CSNK1G3: variants seen among roughly 807,000 people sequenced by gnomAD.
CSNK1G3 encodes the protein casein kinase 1 gamma 3.
A neutral mutation model predicts 64.3 loss-of-function variants in CSNK1G3; 23 were observed. The ratio of observed to expected loss-of-function variants is 0.36; its 90% confidence interval spans 0.26 to 0.51. The LOEUF is 0.51. Among genes scored for constraint, CSNK1G3 ranks in the 20% least tolerant of loss-of-function variants. The pLI, the probability that CSNK1G3 is intolerant of heterozygous loss-of-function variation, is 0.96. For missense variants in CSNK1G3, 357 were observed against 510.5 expected, an observed-to-expected ratio of 0.70 and a Z score of 2.90; for synonymous variants, 158 against 162.2, an observed-to-expected ratio of 0.97 and a Z score of 0.20.
At chr5:123,590,649 T>TA in intron 9 of CSNK1G3, 91 bp downstream of exon 9, 1 of 811,254 alleles carries the variant, frequency 1.2e-6, no homozygotes, top group Non-Finnish European at 1.8e-6. Flanking sequence ...TGAGAACAAA[T>TA]AGTTGTTTTA....
chr5:123,548,265 C>G (rs993400992), intron 2 of CSNK1G3, among the ~76,000 whole-genome samples: 1 of 151,974 alleles, frequency 6.6e-6, no homozygotes, highest in Non-Finnish European at 1.5e-5. Flanking sequence ...TCAAGACCAG[C>G]CTCTGCAACA....
intron 2 of CSNK1G3, among the ~76,000 whole-genome samples, chr5:123,547,230 A>C (rs957600341): frequency 1.3e-5 from 2 of 152,114 alleles, no homozygotes; most frequent in African/African-American, 4.8e-5. Flanking sequence ...TTTTCTTTAT[A>C]TCAGGATTAT....
At chr5:123,583,247 G>C (rs1010963212) in intron 6 of CSNK1G3, among the ~76,000 whole-genome samples, 1 of 151,628 alleles carries the variant, frequency 6.6e-6, no homozygotes, top group Non-Finnish European at 1.5e-5. Context: ...TATAGGTCTT[G>C]CATATACATT....
intron 10 of CSNK1G3, among the ~76,000 whole-genome samples, chr5:123,603,918 A>C (rs1445649201): frequency 2.0e-5 from 3 of 152,110 alleles, no homozygotes; most frequent in Non-Finnish European, 2.9e-5. Context: ...TGAAACGGGA[A>C]GCCAACAGTT....
intron 4 of CSNK1G3, among the ~76,000 whole-genome samples, chr5:123,566,983 G>C (rs1383401743): frequency 6.6e-6 from 1 of 152,144 alleles, no homozygotes; most frequent in African/African-American, 2.4e-5. Flanking sequence ...AAATTGCCCT[G>C]AGGCGGGGCA....
intron 6 of CSNK1G3, among the ~76,000 whole-genome samples, chr5:123,580,852 T>G: frequency 6.6e-6 from 1 of 151,972 alleles, no homozygotes; most frequent in East Asian, 1.9e-4. Flanking sequence ...TATTCAAGAA[T>G]AAAAAAACTA....
intron 1 of CSNK1G3, among the ~76,000 whole-genome samples, chr5:123,523,963 G>A (rs1778593602): frequency 6.6e-6 from 1 of 152,176 alleles, no homozygotes; most frequent in African/African-American, 2.4e-5. Flanking sequence ...TATACCCACT[G>A]TATCACCTGT....
chr5:123,558,132 T>C (rs550046129), intron 4 of CSNK1G3, among the ~76,000 whole-genome samples: 2 of 152,084 alleles, frequency 1.3e-5, no homozygotes, highest in South Asian at 2.1e-4. Context: ...CTAGAGGGAG[T>C]GTGGCCTTGC....
At chr5:123,531,132 G>A (rs968650262) in intron 1 of CSNK1G3, among the ~76,000 whole-genome samples, 98 of 152,202 alleles carry the variant, frequency 6.4e-4, no homozygotes, top group Non-Finnish European at 1.1e-3. Flanking sequence ...GAAGCAGTGG[G>A]AAATCAATTC....
intron 6 of CSNK1G3, among the ~76,000 whole-genome samples, chr5:123,587,779 CTT>C (rs1217523510): frequency 1.3e-5 from 2 of 152,168 alleles, no homozygotes; most frequent in African/African-American, 4.8e-5. Flanking sequence ...CCATGGAACT[CTT>C]TTCCCCGTGG....
chr5:123,565,873 C>A (rs1490011229), intron 4 of CSNK1G3, among the ~76,000 whole-genome samples: 1 of 152,136 alleles, frequency 6.6e-6, no homozygotes, highest in Non-Finnish European at 1.5e-5. Flanking sequence ...AGCACAAACC[C>A]ATGAGGGATC....
chr5:123,582,987 T>C (rs1031032908), intron 6 of CSNK1G3, among the ~76,000 whole-genome samples: 2 of 152,246 alleles, frequency 1.3e-5, no homozygotes, highest in African/African-American at 4.8e-5. Context: ...CTAATATTTA[T>C]GGCTTGAATT....
At chr5:123,603,453 G>C (rs937939926) in intron 10 of CSNK1G3, among the ~76,000 whole-genome samples, 1 of 151,936 alleles carries the variant, frequency 6.6e-6, no homozygotes, top group Admixed American at 6.6e-5. Context: ...TATTCTCTGC[G>C]AGACATAGCA....
intron 12 of CSNK1G3, among the ~76,000 whole-genome samples, chr5:123,613,866 A>C (rs567727295): frequency 1.3e-5 from 2 of 152,196 alleles, no homozygotes; most frequent in Non-Finnish European, 2.9e-5. Context: ...GGTATTCTAT[A>C]TAATGTATTT....
chr5:123,593,202 T>TATACACAC (rs375876147), intron 10 of CSNK1G3, among the ~76,000 whole-genome samples: 1,536 of 146,914 alleles, frequency 0.01, 14 homozygotes, highest in Middle Eastern at 0.031. Flanking sequence ...TGTGTATATA[T>TATACACAC]ACACACACAC....
chr5:123,560,462 G>A (rs1785465978), intron 4 of CSNK1G3, among the ~76,000 whole-genome samples: 1 of 152,174 alleles, frequency 6.6e-6, no homozygotes, highest in Non-Finnish European at 1.5e-5. Context: ...AAAGGTAGAA[G>A]CAACCCAAGT....
At chr5:123,548,049 A>C (rs1459997011) in intron 2 of CSNK1G3, among the ~76,000 whole-genome samples, 1 of 152,196 alleles carries the variant, frequency 6.6e-6, no homozygotes, top group Non-Finnish European at 1.5e-5. Context: ...GAAAGACTAT[A>C]AGGTATACAT....
chr5:123,553,087 A>AT lies in CSNK1G3; in HGVS notation c.179-11dup, dbSNP rs554052252. 1,921 of 1,304,296 alleles carry AT rather than the reference A, an allele frequency of 1.5e-3. 6 individuals carry two copies. The highest frequency in any genetic ancestry group is 8.0e-3 in the South Asian group (507 of 63,654). 80.8% of individuals were successfully genotyped at this position (1,304,296 alleles called of 1,614,324 possible). Reference sequence around the variant, plus strand: ...TAAAATCAATTACTGGCAGAATCTGATTTTTTTTTCTTTTTCAAGGGAAAA... The same window carrying AT: ...TAAAATCAATTACTGGCAGAATCTGATTTTTTTTTTCTTTTTCAAGGGAAAA... On this transcript the variant is annotated intron_variant, in intron 2 of 12. Transcript: ENST00000345990.
intron 1 of CSNK1G3, among the ~76,000 whole-genome samples, chr5:123,543,197 T>G (rs1166113010): frequency 6.6e-6 from 1 of 152,164 alleles, no homozygotes; most frequent in Admixed American, 6.6e-5. Context: ...ATGCAGTTAA[T>G]GTGCTCAGAG....
Sources: gnomAD v4.1 joint callset for allele counts (sites outside exome capture counted in the v4.1 genomes callset) on GRCh38, gnomAD v4.1.1 for gene constraint, MANE v1.5 for transcripts, NCBI Gene and HGNC (gene_info 2026-07-23, HGNC 2026-07-21) for gene names.